Variants in DDX21 observed in about 807,000 individuals in gnomAD.
DDX21 encodes DExD-box helicase 21.
A neutral mutation model predicts 90.0 loss-of-function variants in DDX21; 18 were observed. The ratio of observed to expected loss-of-function variants is 0.20; its 90% CI spans 0.14 to 0.30. DDX21 has a LOEUF of 0.30. Ranked by LOEUF, DDX21 falls within the 10% of genes least tolerant of loss-of-function variation. The probability of loss-of-function intolerance (pLI) is 1.00; values close to 1 mark genes in which losing one functional copy is unlikely to be tolerated. For missense variants in DDX21, 673 were observed against 944.5 expected, an observed-to-expected ratio of 0.71 and a Z score of 3.77; for synonymous variants, 294 against 318.0, an observed-to-expected ratio of 0.92 and a Z score of 0.80.
chr10:68,979,124 C>T (rs1364551864), intron 13 of DDX21, 148 bp downstream of exon 13: 2 of 1,113,832 alleles, frequency 1.8e-6, no homozygotes, highest in Non-Finnish European at 2.5e-6. Flanking sequence ...TCCTCAGATG[C>T]CACTCTGCCA....
intron 8 of DDX21, among the ~76,000 whole-genome samples, chr10:68,970,944 C>T (rs900154060): frequency 4.8e-5 from 7 of 145,256 alleles, no homozygotes; most frequent in African/African-American, 1.8e-4. Flanking sequence ...TGAGCCACTG[C>T]GCCCAGCCTA....
At position 68,971,875 on chromosome 10, in the gene DDX21, G is replaced by A. The variant is rs551788794; in HGVS notation, c.1387-16G>A. 5.0e-5 allele frequency: 81 copies of A among 1,611,146 alleles called. No homozygotes were observed. In the South Asian group the frequency reaches 6.5e-4, roughly 13 times the overall value. On this transcript the variant is annotated splice_polypyrimidine_tract_variant and intron_variant, in intron 8 of 14. Coordinates refer to ENST00000354185, the MANE Select transcript of DDX21 (RefSeq NM_004728.4). Reference sequence around the variant, plus strand: ...TGTTGGAACTGGTGTTCTTACATCCGTTTATTTATTGGCAGGATGCTCAGT... The same window carrying A: ...TGTTGGAACTGGTGTTCTTACATCCATTTATTTATTGGCAGGATGCTCAGT...
chr10:68,970,485 CTTTTTT>C, intron 8 of DDX21, 135 bp downstream of exon 8: 5 of 529,714 alleles, frequency 9.4e-6, no homozygotes, highest in Non-Finnish European at 8.8e-6. Flanking sequence ...GAGGAAGCTA[CTTTTTT>C]TTTTTTTTTT....
chr10:68,981,450 CT>C (rs1457313178), intron 13 of DDX21, 86 bp from the exon 14 acceptor site: 11 of 1,246,446 alleles, frequency 8.8e-6, no homozygotes, highest in Admixed American at 2.3e-5. Context: ...TTTTTGTTTT[CT>C]TTTTTTTAAA....
rs1399185731 is a variant in DDX21 at position 68,963,210 on chromosome 10, T to C, written c.608-81T>C. Reference sequence around the variant, plus strand: ...CCTTAATTCTGCAGGACCAGAAGCATGAGTAGTATACTTCAGTATGTCAGT... The same window carrying C: ...CCTTAATTCTGCAGGACCAGAAGCACGAGTAGTATACTTCAGTATGTCAGT... On this transcript the variant is annotated intron_variant, in intron 3 of 14. Coordinates refer to ENST00000354185, the MANE Select transcript of DDX21 (RefSeq NM_004728.4). 5.1e-6 allele frequency: 7 copies of C among 1,371,182 alleles called. No individual in the cohort carries two copies. In the Admixed American group the frequency reaches 1.4e-4, roughly 27 times the overall value. The allele number at this position is 1,371,182 out of a possible 1,614,324, so 84.9% of individuals were successfully genotyped here.
chr10:68,966,072 A>C (rs1419929075), intron 5 of DDX21, among the ~76,000 whole-genome samples: 1 of 149,748 alleles, frequency 6.7e-6, no homozygotes, highest in Non-Finnish European at 1.5e-5. Context: ...TGAGGCGGGC[A>C]GATCACAAGG....
chr10:68,967,750 A>G (rs767198127), intron 6 of DDX21, among the ~76,000 whole-genome samples: 7 of 152,228 alleles, frequency 4.6e-5, no homozygotes, highest in Non-Finnish European at 8.8e-5. Context: ...CTGACTATAC[A>G]TATAAAAATT....
At chr10:68,979,049 TC>T in intron 13 of DDX21, 73 bp downstream of exon 13, 3 of 1,585,958 alleles carry the variant, frequency 1.9e-6, no homozygotes, top group Non-Finnish European at 2.6e-6. Context: ...TGTGGGTTCT[TC>T]CTGTTCTGTG....
intron 2 of DDX21, among the ~76,000 whole-genome samples, chr10:68,961,674 C>T (rs573116022): frequency 1.9e-4 from 29 of 152,308 alleles, no homozygotes; most frequent in Non-Finnish European, 4.0e-4. Flanking sequence ...ACTGCTACCT[C>T]ATAAAATGTT....
In DDX21 at chr10:68,958,771, C is replaced by T. The variant is rs72801595; in HGVS notation, c.88-1035C>T. Among the ~76,000 whole-genome samples, 1,302 of 152,178 alleles carry T rather than the reference C, an allele frequency of 8.6e-3. 11 individuals are homozygous for T. Among genetic ancestry groups the T allele is most frequent in the Non-Finnish European group, 0.014 (980 of 68,008 alleles). ...AACTTTTTCAATAGAGACGGGGTCT[C>T]GCTATATTGTCCATGCTTGCCTGGA... On this transcript the variant is annotated intron_variant, in intron 1 of 14. Coordinates refer to ENST00000354185, the MANE Select transcript of DDX21 (RefSeq NM_004728.4).
At chr10:68,962,262 G>T in intron 3 of DDX21, 105 bp downstream of exon 3, 2 of 786,750 alleles carry the variant, frequency 2.5e-6, no homozygotes. Context: ...ATTGTAGGCT[G>T]ATATATGCAG....
At chr10:68,962,582 C>T (rs1031105886) in intron 3 of DDX21, among the ~76,000 whole-genome samples, 27 of 151,988 alleles carry the variant, frequency 1.8e-4, no homozygotes, top group Admixed American at 2.6e-4. Context: ...CACCACTGCA[C>T]GCCAGCCTGG....
rs1843003871 is a variant in DDX21 at position 68,970,279 on chromosome 10, G to A, written c.1315G>A (p.Gly439Arg). 6.2e-7 allele frequency: 1 copy of A among 1,614,072 alleles called. No homozygotes were observed. The highest frequency in any genetic ancestry group is 1.3e-5 in the African/African-American group (1 of 75,028). Reference sequence around the variant, plus strand: ...CATCCGAGTATATAGTGGTCATCAAGGACGCACTATCATCTTTTGTGAAAC... The same window carrying A: ...CATCCGAGTATATAGTGGTCATCAAAGACGCACTATCATCTTTTGTGAAAC... ...DVIRVYSGHQGRTIIFCETKK... is the reference protein window; with the variant it reads ...DVIRVYSGHQRRTIIFCETKK... The change falls in exon 8 of 15, where the codon GGA becomes AGA. Residue 439 changes from glycine (G) to arginine (R), a missense_variant. Transcript: ENST00000354185.
At position 68,973,598 on chromosome 10, in the gene DDX21, G is replaced by C. The variant is rs376356467; in HGVS notation, c.1602G>C (p.Thr534=). The C allele has an allele frequency of 2.0e-5, 33 of 1,613,986 alleles. No individual in the cohort carries two copies. The South Asian group carries it at 2.7e-4, about 13-fold the overall frequency. The change falls in exon 10 of 15, where the codon ACG becomes ACC. Residue 534 remains threonine, a synonymous_variant. Coordinates refer to ENST00000354185, the MANE Select transcript of DDX21 (RefSeq NM_004728.4). ...GGCGGACAGGCAGAGCTGGAAGGAC[G>C]GGGGTGTGCATCTGCTTTTATCAGC... is the stretch of plus-strand genomic sequence containing the variant. ...RSGRTGRAGR[T]GVCICFYQHK...
At chr10:68,979,490 C>G (rs111963302) in intron 13 of DDX21, among the ~76,000 whole-genome samples, 1 of 152,156 alleles carries the variant, frequency 6.6e-6, no homozygotes, top group Non-Finnish European at 1.5e-5. Flanking sequence ...TTGATACTTA[C>G]TGTATTAGAA....
rs1396009418 is a variant in DDX21 at position 68,959,954 on chromosome 10, A to G, written c.236A>G (p.Lys79Arg). 1 of 1,610,836 alleles carries G rather than the reference A, an allele frequency of 6.2e-7. No homozygotes were observed. The highest frequency in any genetic ancestry group is 1.7e-5 in the Admixed American group (1 of 59,502). ...TCTCCTAAATCCAAAAAGGCAAAAA[A>G]GAAAGAGGAGCCATCTCAAAATGAC... ...MNSPKSKKAK[K>R]KEEPSQNDIS... The change falls in exon 2 of 15, where the codon AAG (lysine) becomes AGG (arginine). Residue 79 changes from lysine (K) to arginine (R), a missense_variant. By Grantham distance (26) the Lys-to-Arg change is conservative (BLOSUM62 2). Around this residue, in one of 4 missense-constraint regions of DDX21, gnomAD observed 204 missense variants for 221.6 expected, o/e 0.92. Coordinates refer to ENST00000354185, the MANE Select transcript of DDX21 (RefSeq NM_004728.4).
At position 68,982,780 on chromosome 10, in the gene DDX21, A is replaced by C; in HGVS notation, c.2320A>C (p.Lys774Gln). 6.2e-7 allele frequency: 1 copy of C among 1,614,236 alleles called. No homozygotes were observed. Among genetic ancestry groups the C allele is most frequent in the Non-Finnish European group, 8.5e-7 (1 of 1,180,048 alleles). Reference sequence around the variant, plus strand: ...TAACAGATCCCAAAACAAAGGCCAGAAGCGGAGTTTCAGTAAAGCATTTGG... The same window carrying C: ...TAACAGATCCCAAAACAAAGGCCAGCAGCGGAGTTTCAGTAAAGCATTTGG... ...KSNRSQNKGQ[K>Q]RSFSKAFGQ is the part of the protein sequence containing the mutation. The change falls in exon 15 of 15, where the codon AAG becomes CAG. Residue 774 changes from lysine (K) to glutamine (Q), a missense_variant. Physicochemically the swap from Lys to Gln is moderately conservative, Grantham distance 53. This residue lies in a region of DDX21 where 225 missense variants were observed against 298.8 expected (regional missense o/e 0.75). Coordinates refer to ENST00000354185, the MANE Select transcript of DDX21 (RefSeq NM_004728.4).
intron 6 of DDX21, among the ~76,000 whole-genome samples, chr10:68,967,812 C>T (rs1842960133): frequency 6.6e-6 from 1 of 152,018 alleles, no homozygotes. Flanking sequence ...CTACCATCTG[C>T]CTAGTTTGAT....
chr10:68,961,850 A>G (rs1440850046), intron 2 of DDX21, among the ~76,000 whole-genome samples: 2 of 152,196 alleles, frequency 1.3e-5, no homozygotes, highest in Admixed American at 6.6e-5. Context: ...GTTACCCAGT[A>G]TATATTTGCC....
Sources: allele counts gnomAD v4.1 joint callset (sites outside exome capture counted in the v4.1 genomes callset), GRCh38; gene constraint gnomAD v4.1.1; regional missense constraint gnomAD v4.1.1; transcripts MANE v1.5; gene names NCBI Gene and HGNC (gene_info 2026-07-23, HGNC 2026-07-21).